Variants in FMN1 observed in about 807,000 individuals in gnomAD.
The protein encoded by FMN1 is formin-1.
Under a neutral mutation model 132.4 loss-of-function variants are expected in FMN1, and 110 were observed. The ratio of observed to expected loss-of-function variants is 0.83; its 90% CI spans 0.71 to 0.97. The LOEUF is 0.97. Ranked by LOEUF, FMN1 falls within the 50% of genes least tolerant of loss-of-function variation. FMN1 has a pLI of 0.00. For synonymous variants in FMN1, 722 were observed against 651.7 expected (o/e 1.11, Z -1.64); for missense variants, 1,792 against 1,705.3 (o/e 1.05, Z -0.90).
intron 9 of FMN1, among the ~76,000 whole-genome samples, chr15:32,960,621 T>C (rs964085693): frequency 3.3e-5 from 5 of 152,254 alleles, no homozygotes; most frequent in South Asian, 2.1e-4. Flanking sequence ...TTTCCTTTTT[T>C]CCCCTGTAAT....
chr15:33,057,924 T>C (rs1182521234), intron 6 of FMN1, among the ~76,000 whole-genome samples: 2 of 152,084 alleles, frequency 1.3e-5, no homozygotes, highest in African/African-American at 4.8e-5. Context: ...AGCTAGTTGA[T>C]GGCTATAAGC....
rs76827084 is a variant in FMN1, at chr15:32,906,183, T to C, written c.3377+2307A>G. ...CCTGTTCATTTCACCGGATCAGCCA[T>C]TCCCATAGCTTAGAACAAGGGCTGC... is the stretch of plus-strand genomic sequence containing the variant. On this transcript the variant is annotated intron_variant, in intron 12 of 20. Transcript: ENST00000616417. Among the ~76,000 whole-genome samples, 888 of 152,314 alleles carry C rather than the reference T, an allele frequency of 5.8e-3. 12 individuals carry two copies. Among genetic ancestry groups the C allele is most frequent in the African/African-American group, 0.02 (832 of 41,580 alleles).
chr15:33,094,355 G>A (rs936989593), intron 4 of FMN1, among the ~76,000 whole-genome samples: 2 of 152,204 alleles, frequency 1.3e-5, no homozygotes, highest in African/African-American at 2.4e-5. Context: ...CCTGTTTTAA[G>A]TAAAGAACTC....
chr15:32,869,153 T>TA (rs1473041028), intron 16 of FMN1, among the ~76,000 whole-genome samples: 4 of 152,192 alleles, frequency 2.6e-5, no homozygotes, highest in Non-Finnish European at 4.4e-5. Context: ...TTGAATGAGT[T>TA]AAGTGGTGTA....
intron 4 of FMN1, among the ~76,000 whole-genome samples, chr15:33,092,083 A>G (rs1373111114): frequency 6.6e-6 from 1 of 152,212 alleles, no homozygotes; most frequent in Non-Finnish European, 1.5e-5. Context: ...ACAGCTGACC[A>G]CGGTTAATAC....
chr15:33,159,966 C>T (rs556446197), intron 3 of FMN1, among the ~76,000 whole-genome samples: 11 of 152,210 alleles, frequency 7.2e-5, no homozygotes, highest in African/African-American at 2.6e-4. Flanking sequence ...CGGGTGTGGG[C>T]AGAGTTGCAG....
rs1416339646 is a variant in FMN1 at position 32,768,777 on chromosome 15, G to A, written c.*5533C>T. On this transcript the variant is annotated 3_prime_UTR_variant, in exon 21 of 21. Coordinates refer to ENST00000616417, the MANE Select transcript of FMN1 (RefSeq NM_001277313.2). ...GACTAGAGATTCTCAGTATATTTAA[G>A]AGAAGATTTAAAAATAGAAAATTAC... 1.8e-5 allele frequency: 2 copies of A among 113,874 alleles called. No individual in the cohort carries two copies. The highest frequency in any genetic ancestry group is 8.5e-5 in the Admixed American group (1 of 11,764). 7.1% of individuals were successfully genotyped at this position (113,874 alleles called of 1,614,324 possible).
chr15:33,140,756 C>T (rs1963976667), intron 4 of FMN1, among the ~76,000 whole-genome samples: 1 of 151,988 alleles, frequency 6.6e-6, no homozygotes, highest in South Asian at 2.1e-4. Context: ...AGAAGTTTAT[C>T]GTGGAAACAG....
At chr15:32,957,425 A>G (rs1417583770) in intron 9 of FMN1, among the ~76,000 whole-genome samples, 1 of 150,842 alleles carries the variant, frequency 6.6e-6, no homozygotes, top group African/African-American at 2.4e-5. Flanking sequence ...TCACTTAGAG[A>G]CAGTGTAAAT....
At chr15:32,990,841 G>A (rs963990252) in intron 7 of FMN1, among the ~76,000 whole-genome samples, 1 of 152,116 alleles carries the variant, frequency 6.6e-6, no homozygotes, top group Admixed American at 6.5e-5. Flanking sequence ...CAAGCAAAGG[G>A]AGAAGCCCCT....
intron 17 of FMN1, among the ~76,000 whole-genome samples, chr15:32,835,532 C>T (rs1009780042): frequency 2.0e-5 from 3 of 152,142 alleles, no homozygotes; most frequent in Non-Finnish European, 2.9e-5. Flanking sequence ...TTCTAAGTTG[C>T]AACCTCAAAA....
At chr15:32,959,043 CAAAAAA>C (rs36081835) in intron 9 of FMN1, among the ~76,000 whole-genome samples, 1 of 84,330 alleles carries the variant, frequency 1.2e-5, no homozygotes, top group Admixed American at 1.5e-4. Context: ...AACACTGTCT[CAAAAAA>C]AAAAAAAAAA....
intron 16 of FMN1, among the ~76,000 whole-genome samples, chr15:32,872,412 C>T (rs535245238): frequency 5.3e-5 from 8 of 152,318 alleles, no homozygotes; most frequent in South Asian, 2.1e-4. Flanking sequence ...TTAGCTAGAA[C>T]GCCTCACTCC....
intron 5 of FMN1, among the ~76,000 whole-genome samples, chr15:33,069,381 C>T (rs1187147835): frequency 1.3e-5 from 2 of 152,152 alleles, no homozygotes; most frequent in Non-Finnish European, 2.9e-5. Flanking sequence ...GGACACTGTT[C>T]TGGTTGGAGA....
At chr15:33,074,554 G>C (rs1462248616) in intron 5 of FMN1, among the ~76,000 whole-genome samples, 3 of 152,180 alleles carry the variant, frequency 2.0e-5, no homozygotes, top group Non-Finnish European at 4.4e-5. Flanking sequence ...GTTCCACTGG[G>C]CAGTATCAAA....
intron 5 of FMN1, among the ~76,000 whole-genome samples, chr15:33,079,767 A>G (rs2038374636): frequency 6.6e-6 from 1 of 152,226 alleles, no homozygotes; most frequent in Non-Finnish European, 1.5e-5. Context: ...CAATTTCCAG[A>G]TTTGTACTAA....
chr15:33,027,459 T>TAC (rs2035733208), intron 6 of FMN1, among the ~76,000 whole-genome samples: 1 of 152,188 alleles, frequency 6.6e-6, no homozygotes, highest in African/African-American at 2.4e-5. Flanking sequence ...GAGAACTGTA[T>TAC]GCAATGGGCC....
chr15:32,973,971 G>A (rs894196734), intron 7 of FMN1, among the ~76,000 whole-genome samples: 3 of 152,120 alleles, frequency 2.0e-5, no homozygotes, highest in African/African-American at 4.8e-5. Context: ...AGAGTAGAAC[G>A]TTCTGTTAGA....
intron 17 of FMN1, among the ~76,000 whole-genome samples, chr15:32,851,707 G>A (rs1227900437): frequency 6.6e-6 from 1 of 152,126 alleles, no homozygotes; most frequent in Non-Finnish European, 1.5e-5. Flanking sequence ...CACTATATAA[G>A]GACATTCTGA....
Sources: gnomAD v4.1 joint callset for allele counts (sites outside exome capture counted in the v4.1 genomes callset) on GRCh38, gnomAD v4.1.1 for gene constraint, MANE v1.5 for transcripts, NCBI Gene and HGNC (gene_info 2026-07-23, HGNC 2026-07-21) for gene names.